Variants in AASDH observed in about 807,000 individuals in gnomAD.
The protein encoded by AASDH is beta-alanine-activating enzyme.
A neutral mutation model predicts 102.3 loss-of-function variants in AASDH; 81 were observed. The ratio of observed to expected loss-of-function variants is 0.79; its 90% CI spans 0.66 to 0.95. The LOEUF (loss-of-function observed/expected upper bound fraction) is 0.95, where lower values mean the gene tolerates loss of function less well. AASDH is among the 40% of genes least tolerant of loss of function. AASDH has a pLI of 0.00. For missense variants in AASDH, 1,203 were observed against 1,266.2 expected (o/e 0.95, Z 0.76); for synonymous variants, 398 against 454.0 (o/e 0.88, Z 1.57).
At chr4:56,365,978 C>A (rs1750948542) in intron 5 of AASDH, among the ~76,000 whole-genome samples, 1 of 151,818 alleles carries the variant, frequency 6.6e-6, no homozygotes, top group South Asian at 2.1e-4. Flanking sequence ...GCTAGCAAGA[C>A]TAATAAAGAA....
chr4:56,343,005 T>C, intron 13 of AASDH, 39 bp from the exon 14 acceptor site: 1 of 1,508,042 alleles, frequency 6.6e-7, no homozygotes, highest in Non-Finnish European at 8.9e-7. Flanking sequence ...TTTTATGTCA[T>C]CCTACTAATC....
At chr4:56,380,228 G>A (rs929575349) in intron 3 of AASDH, among the ~76,000 whole-genome samples, 2 of 152,210 alleles carry the variant, frequency 1.3e-5, no homozygotes, top group Non-Finnish European at 2.9e-5. Context: ...TGGCCCAGGT[G>A]ATTTGGTGGA....
Position 56,365,448 on chromosome 4 carries a change from A to G in AASDH, c.861+6003T>C, listed in dbSNP as rs181114441. On this transcript the variant is annotated intron_variant, in intron 5 of 14. Transcript: ENST00000205214. ...TCAGCACCACACCACACCTATTCCA[A>G]AACTGACCAAATAGTTGGAAGTAAA... Among the ~76,000 whole-genome samples, 835 of 152,218 alleles carry G rather than the reference A, an allele frequency of 5.5e-3. 7 individuals are homozygous for G. The highest frequency in any genetic ancestry group is 0.019 in the African/African-American group (799 of 41,506).
rs773375183 is a variant in AASDH, at chr4:56,371,623, T to C, written c.689A>G (p.Gln230Arg). 1.2e-6 allele frequency: 2 copies of C among 1,603,842 alleles called. No homozygotes were observed. Among genetic ancestry groups the C allele is most frequent in the South Asian group, 2.3e-5 (2 of 88,280 alleles). The part of the protein sequence containing the change: ...QHFRVLFDIT[Q>R]EDVLFLASPL... The stretch of plus-strand genomic sequence containing the variant: ...TGAAGCCAGAAACAAAACATCTTCT[T>C]GTGTGATGTCAAAAAGTACCCTAAG... Residue 230 changes from glutamine (Q) to arginine (R), a missense_variant, in exon 5 of 15, where the codon CAA (glutamine) becomes CGA (arginine). Coordinates refer to ENST00000205214, the MANE Select transcript of AASDH (RefSeq NM_181806.4).
At position 56,345,226 on chromosome 4, in the gene AASDH, A is replaced by C; in HGVS notation, c.2553T>G (p.Thr851=). ...CCGAGCTTTTGACAGCATCTTCAGT[A>C]GTAAACATCCAGTATTTTTCTCCAC... ...SNSGEKYWMF[T]TEDAVKSSAT... The change falls in exon 12 of 15, where the codon ACT becomes ACG. Residue 851 remains threonine, a synonymous_variant. Transcript: ENST00000205214. 1 of 1,614,000 alleles carries C rather than the reference A, an allele frequency of 6.2e-7. No homozygotes were observed. Among genetic ancestry groups the C allele is most frequent in the Non-Finnish European group, 8.5e-7 (1 of 1,179,832 alleles).
chr4:56,355,593 G>GTTTTTTTTTTTTTTTT (rs149149581), intron 5 of AASDH, among the ~76,000 whole-genome samples, 170 bp from the exon 6 acceptor site: 2 of 91,910 alleles, frequency 2.2e-5, no homozygotes, highest in Non-Finnish European at 4.1e-5. Context: ...TTATCTTCTT[G>GTTTTTTTTTTTTTTTT]TTTTTTTTTT....
intron 5 of AASDH, among the ~76,000 whole-genome samples, chr4:56,357,387 C>T (rs1749758571): frequency 6.6e-6 from 1 of 152,088 alleles, no homozygotes; most frequent in East Asian, 1.9e-4. Flanking sequence ...GAGGTTCCCA[C>T]CCTCATGACA....
Position 56,384,232 on chromosome 4 carries a change from T to C in AASDH, c.68A>G (p.Asp23Gly). ...CYMDRVAVCFDECNNQLPVYY... is the reference protein window; with the variant it reads ...CYMDRVAVCFGECNNQLPVYY... ...AACTGGAAGCTGGTTGTTGCATTCA[T>C]CAAAACATACAGCTACTCTGTCCAT... is the stretch of plus-strand genomic sequence containing the variant. Residue 23 changes from aspartate to glycine, a missense_variant, in exon 2 of 15, where the codon GAT (aspartate) becomes GGT (glycine). Physicochemically the swap from Asp to Gly is moderately conservative, Grantham distance 94. Coordinates refer to ENST00000205214, the MANE Select transcript of AASDH (RefSeq NM_181806.4). 6.2e-7 allele frequency: 1 copy of C among 1,614,130 alleles called. No individual in the cohort carries two copies. Among genetic ancestry groups the C allele is most frequent in the Non-Finnish European group, 8.5e-7 (1 of 1,180,008 alleles).
chr4:56,354,938 C>A, intron 6 of AASDH, 127 bp from the exon 7 acceptor site: 1 of 858,894 alleles, frequency 1.2e-6, no homozygotes, highest in Non-Finnish European at 1.7e-6. Context: ...CAAAGACTGA[C>A]AAGAGGAAAA....
Position 56,356,917 on chromosome 4 carries a change from A to G in AASDH, c.862-1494T>C, listed in dbSNP as rs534561571. 9 of 890,234 alleles carry G rather than the reference A, an allele frequency of 1.0e-5. No homozygotes were observed. In the East Asian group the frequency reaches 2.4e-4, roughly 23 times the overall value. 55.1% of individuals were successfully genotyped at this position (890,234 alleles called of 1,614,324 possible). A position where few individuals can be genotyped will look rare whatever the true frequency, so the allele number is the denominator to read the frequency against. On this transcript the variant is annotated intron_variant, in intron 5 of 14. Coordinates refer to ENST00000205214, the MANE Select transcript of AASDH (RefSeq NM_181806.4). The stretch of plus-strand genomic sequence containing the variant: ...AAAGGCAAACGCTAAAGAACCTGCC[A>G]CTAAACTGGGTTAAATGTACACTGC...
At chr4:56,386,824 G>GAA (rs1296427791) in intron 1 of AASDH, among the ~76,000 whole-genome samples, 1 of 118,658 alleles carries the variant, frequency 8.4e-6, no homozygotes, top group African/African-American at 3.0e-5. Flanking sequence ...AAAAAAAAAG[G>GAA]AAAAAAAAAA....
intron 14 of AASDH, 28 bp from the exon 15 acceptor site, chr4:56,338,819 A>G (rs1169384311): frequency 1.3e-6 from 2 of 1,589,242 alleles, no homozygotes; most frequent in Admixed American, 1.7e-5. Context: ...AATAAATATA[A>G]TTCATTCATC....
At chr4:56,348,007 T>G (rs934260566) in intron 11 of AASDH, among the ~76,000 whole-genome samples, 4 of 151,690 alleles carry the variant, frequency 2.6e-5, no homozygotes, top group African/African-American at 9.7e-5. Flanking sequence ...AAAAATTAGC[T>G]GGGTGTGGTG....
At chr4:56,376,939 C>A (rs1008447734) in intron 4 of AASDH, among the ~76,000 whole-genome samples, 1 of 149,068 alleles carries the variant, frequency 6.7e-6, no homozygotes, top group African/African-American at 2.4e-5. Flanking sequence ...TAGTGGCGGG[C>A]GCCTGTAGTC....
intron 11 of AASDH, among the ~76,000 whole-genome samples, chr4:56,346,863 AG>A (rs1304291348): frequency 1.3e-5 from 2 of 152,016 alleles, no homozygotes; most frequent in African/African-American, 4.8e-5. Flanking sequence ...GACAACACAC[AG>A]AAGCTCTGTC....
At chr4:56,357,130 A>G (rs1411014340) in intron 5 of AASDH, among the ~76,000 whole-genome samples, 1 of 152,196 alleles carries the variant, frequency 6.6e-6, no homozygotes, top group African/African-American at 2.4e-5. Flanking sequence ...CATCACCACA[A>G]TCAAAATAAT....
chr4:56,387,039 C>A (rs973537377), intron 1 of AASDH, among the ~76,000 whole-genome samples: 1 of 152,104 alleles, frequency 6.6e-6, no homozygotes, highest in African/African-American at 2.4e-5. Context: ...TCTAAATTTA[C>A]GGTATGCAAC....
chr4:56,338,400 G>T lies in AASDH; in HGVS notation c.*2C>A. The T allele has an allele frequency of 1.2e-6, 2 of 1,611,944 alleles. No individual in the cohort carries two copies. The highest frequency in any genetic ancestry group is 2.2e-5 in the South Asian group (2 of 90,556). ...TGTTATACAAATAAGGACTGTATTT[G>T]ATTATTTTTGATTGCCACCCAATAA... is the stretch of plus-strand genomic sequence containing the variant. On this transcript the variant is annotated 3_prime_UTR_variant, in exon 15 of 15. Coordinates refer to ENST00000205214, the MANE Select transcript of AASDH (RefSeq NM_181806.4).
At chr4:56,358,939 G>C (rs1749952694) in intron 5 of AASDH, among the ~76,000 whole-genome samples, 1 of 152,100 alleles carries the variant, frequency 6.6e-6, no homozygotes, top group South Asian at 2.1e-4. Flanking sequence ...GTCTACTTAT[G>C]TTTTCAATTT....
Sources: gnomAD v4.1 joint callset for allele counts (sites outside exome capture counted in the v4.1 genomes callset) on GRCh38, gnomAD v4.1.1 for gene constraint, MANE v1.5 for transcripts, NCBI Gene and HGNC (gene_info 2026-07-23, HGNC 2026-07-21) for gene names.